LSAMP: variants seen among roughly 807,000 people sequenced by gnomAD.
LSAMP encodes limbic system-associated membrane protein.
LSAMP carries 7 observed loss-of-function variants against 38.6 expected under a neutral mutation model. The ratio of observed to expected loss-of-function variants is 0.18; its 90% CI spans 0.10 to 0.34. The LOEUF is 0.34. Ranked by LOEUF, LSAMP falls within the 10% of genes least tolerant of loss-of-function variation. The pLI, the probability that LSAMP is intolerant of heterozygous loss-of-function variation, is 1.00. For synonymous variants in LSAMP, 154 were observed against 166.8 expected (o/e 0.92, Z 0.59); for missense variants, 313 against 420.0 (o/e 0.75, Z 2.23).
chr3:116,417,145 A>G (rs2049061571), intron 1 of LSAMP, among the ~76,000 whole-genome samples: 1 of 152,212 alleles, frequency 6.6e-6, no homozygotes, highest in African/African-American at 2.4e-5. Context: ...TCAGGAGCAA[A>G]TGGTGTGTAT....
At chr3:116,203,540 C>G (rs1315170516) in intron 1 of LSAMP, among the ~76,000 whole-genome samples, 2 of 121,494 alleles carry the variant, frequency 1.6e-5, no homozygotes, top group East Asian at 5.8e-4. Flanking sequence ...CCAATGCTAT[C>G]CCTCCCCCCA....
chr3:116,249,746 G>T (rs1203449787), intron 1 of LSAMP, among the ~76,000 whole-genome samples: 1 of 151,960 alleles, frequency 6.6e-6, no homozygotes. Flanking sequence ...CGAAAAATTA[G>T]TATTTTCAGC....
intron 1 of LSAMP, among the ~76,000 whole-genome samples, chr3:116,272,265 G>A (rs1166279588): frequency 4.6e-5 from 7 of 151,992 alleles, no homozygotes; most frequent in East Asian, 1.9e-4. Flanking sequence ...TTTTATCATG[G>A]GACTGAGACA....
intron 1 of LSAMP, among the ~76,000 whole-genome samples, chr3:116,430,833 G>A (rs1373177124): frequency 5.3e-5 from 8 of 151,814 alleles, no homozygotes; most frequent in Admixed American, 5.3e-4. Flanking sequence ...CATTTGAATG[G>A]TCATTTTTAT....
At chr3:116,278,707 C>T (rs1363803261) in intron 1 of LSAMP, among the ~76,000 whole-genome samples, 3 of 152,056 alleles carry the variant, frequency 2.0e-5, no homozygotes, top group Non-Finnish European at 4.4e-5. Context: ...TAATATTATC[C>T]ACGCTTAATG....
chr3:115,861,337 T>C (rs982726758), intron 3 of LSAMP, among the ~76,000 whole-genome samples: 7 of 152,090 alleles, frequency 4.6e-5, no homozygotes, highest in Non-Finnish European at 1.0e-4. Context: ...TGACACTGAG[T>C]ACTAACGTGT....
At chr3:116,189,764 G>A (rs977470344) in intron 1 of LSAMP, among the ~76,000 whole-genome samples, 2 of 151,894 alleles carry the variant, frequency 1.3e-5, no homozygotes, top group African/African-American at 2.4e-5. Context: ...TTTGTCATGG[G>A]GTGATATCAG....
rs183680338 is a variant in LSAMP, at chr3:116,346,975, T to A, written c.155+97902A>T. 8.5e-5 allele frequency among the ~76,000 whole-genome samples: 13 copies of A among 152,328 alleles called. No homozygotes were observed. The East Asian group carries it at 2.5e-3, about 29-fold the overall frequency. On this transcript the variant is annotated intron_variant, in intron 1 of 6. Coordinates refer to ENST00000490035, the MANE Select transcript of LSAMP (RefSeq NM_002338.5). ...TTTCTGGACTTAATAAATAAAATGA[T>A]AAAATGATTTATTTATGTAATTTTG...
chr3:116,248,949 C>T (rs1288211087), intron 1 of LSAMP, among the ~76,000 whole-genome samples: 1 of 151,964 alleles, frequency 6.6e-6, no homozygotes, highest in Admixed American at 6.6e-5. Context: ...AGATCGAGAC[C>T]ATCCTGGCTA....
intron 1 of LSAMP, among the ~76,000 whole-genome samples, chr3:116,331,109 GA>G (rs1422663034): frequency 6.6e-6 from 1 of 151,704 alleles, no homozygotes; most frequent in Non-Finnish European, 1.5e-5. Flanking sequence ...TTCAATAACT[GA>G]AAAAAAATTA....
chr3:116,261,449 T>A lies in LSAMP; in HGVS notation c.156-174893A>T, dbSNP rs537322751. The stretch of plus-strand genomic sequence containing the variant: ...ATTATCTTGGCATCACATTGAATTA[T>A]CAGCATGTCACCTCGCTATTTAGAA... On this transcript the variant is annotated intron_variant, in intron 1 of 6. Transcript: ENST00000490035. 4.6e-5 allele frequency among the ~76,000 whole-genome samples: 7 copies of A among 152,334 alleles called. No homozygotes were observed. The South Asian group carries it at 1.4e-3, about 32-fold the overall frequency.
At chr3:116,148,112 T>C (rs1158534956) in intron 1 of LSAMP, among the ~76,000 whole-genome samples, 1 of 146,918 alleles carries the variant, frequency 6.8e-6, no homozygotes, top group African/African-American at 2.6e-5. Flanking sequence ...TACAAAAACA[T>C]GTGCTTTTTT....
chr3:115,899,448 T>G (rs540490573), intron 3 of LSAMP, among the ~76,000 whole-genome samples: 124 of 152,282 alleles, frequency 8.1e-4, no homozygotes, highest in African/African-American at 2.8e-3. Flanking sequence ...AAGTCTACTT[T>G]CCTTGGTGAA....
chr3:115,991,928 TC>T (rs1315873789), intron 3 of LSAMP, among the ~76,000 whole-genome samples: 4 of 152,030 alleles, frequency 2.6e-5, no homozygotes, highest in Admixed American at 2.6e-4. Flanking sequence ...AAGGAAATGA[TC>T]TGGAACTACC....
intron 1 of LSAMP, among the ~76,000 whole-genome samples, chr3:116,113,311 C>T (rs142468055): frequency 0.016 from 2,385 of 149,708 alleles, 32 homozygotes; most frequent in Non-Finnish European, 0.024. Context: ...TCACACCCTA[C>T]CATTCATCCT....
rs547625077 is a variant in LSAMP, at chr3:116,313,799, C to T, written c.155+131078G>A. Among the ~76,000 whole-genome samples the T allele has an allele frequency of 3.9e-5, 6 of 152,172 alleles. No individual in the cohort carries two copies. In the South Asian group the frequency reaches 1.2e-3, roughly 32 times the overall value. ...TGAAACCCTGTCTGTACTAAAAATACAAAAATTAGCCAGGTGTGGTGGTGT... is the reference window on the plus strand; with the variant it reads ...TGAAACCCTGTCTGTACTAAAAATATAAAAATTAGCCAGGTGTGGTGGTGT... On this transcript the variant is annotated intron_variant, in intron 1 of 6. Transcript: ENST00000490035.
At chr3:115,990,914 AC>A (rs1175459720) in intron 3 of LSAMP, among the ~76,000 whole-genome samples, 2 of 152,064 alleles carry the variant, frequency 1.3e-5, no homozygotes, top group Non-Finnish European at 2.9e-5. Flanking sequence ...TTTAACAGGC[AC>A]CCCAGTGATT....
Position 115,870,409 on chromosome 3 carries a change from T to C in LSAMP, c.515-17792A>G, listed in dbSNP as rs150675621. On this transcript the variant is annotated intron_variant, in intron 3 of 6. Transcript: ENST00000490035. ...CTATGACCTAGGCTCCAATAAATTA[T>C]TTTCAAATAATTACAATATCAGTAC... 7.2e-5 allele frequency among the ~76,000 whole-genome samples: 11 copies of C among 152,302 alleles called. No homozygotes were observed. In the East Asian group the frequency reaches 2.1e-3, roughly 29 times the overall value.
At chr3:116,316,626 C>A (rs2047632221) in intron 1 of LSAMP, among the ~76,000 whole-genome samples, 1 of 151,826 alleles carries the variant, frequency 6.6e-6, no homozygotes, top group Non-Finnish European at 1.5e-5. Flanking sequence ...CAGAAATTAG[C>A]TGGGCAGGAT....
Sources: gnomAD v4.1 joint callset for allele counts (sites outside exome capture counted in the v4.1 genomes callset) on GRCh38, gnomAD v4.1.1 for gene constraint, MANE v1.5 for transcripts, NCBI Gene and HGNC (gene_info 2026-07-23, HGNC 2026-07-21) for gene names.